CPNE4: variants seen among roughly 807,000 people sequenced by gnomAD.
CPNE4 encodes copine 4, also known as copine-4.
In CPNE4, 25 loss-of-function variants were observed where a neutral mutation model predicts 67.9. That is an observed-to-expected ratio of 0.37 (90% CI 0.27 to 0.51). The LOEUF (loss-of-function observed/expected upper bound fraction) is 0.51. Among genes scored for constraint, CPNE4 ranks in the 20% least tolerant of loss-of-function variants. The pLI is 0.93. For synonymous variants in CPNE4, 242 were observed against 244.9 expected (o/e 0.99, Z 0.11); for missense variants, 464 against 690.8 (o/e 0.67, Z 3.68).
rs527695529 is a variant in CPNE4 at position 131,618,278 on chromosome 3, A to G, written c.682-30696T>C. On this transcript the variant is annotated intron_variant, in intron 7 of 15. Coordinates refer to ENST00000429747, the MANE Select transcript of CPNE4 (RefSeq NM_130808.3). ...TAAATGTATTTTTAATTGACAAATAATAATTGTGTACATTTAGGAGGTATA... is the reference window on the plus strand; with the variant it reads ...TAAATGTATTTTTAATTGACAAATAGTAATTGTGTACATTTAGGAGGTATA... Among the ~76,000 whole-genome samples the G allele has an allele frequency of 3.3e-3, 496 of 152,316 alleles. 2 individuals carry two copies. The highest frequency in any genetic ancestry group is 0.011 in the African/African-American group (455 of 41,578).
chr3:131,775,621 C>G (rs2083273770), intron 2 of CPNE4, among the ~76,000 whole-genome samples: 2 of 152,136 alleles, frequency 1.3e-5, no homozygotes, highest in Admixed American at 6.6e-5. Flanking sequence ...TTTCCCCGCA[C>G]AAGTTCTCTT....
intron 2 of CPNE4, among the ~76,000 whole-genome samples, chr3:131,769,631 A>T (rs1445582148): frequency 6.6e-6 from 1 of 152,134 alleles, no homozygotes; most frequent in East Asian, 1.9e-4. Flanking sequence ...GACAAGCAAT[A>T]CTGTGTGTAT....
chr3:131,612,614 G>A (rs958268671), intron 7 of CPNE4, among the ~76,000 whole-genome samples: 1 of 151,936 alleles, frequency 6.6e-6, no homozygotes, highest in Admixed American at 6.6e-5. Context: ...GGCAAATACC[G>A]GGCACAGGCA....
At chr3:131,994,073 C>T (rs974615081) in intron 1 of CPNE4, among the ~76,000 whole-genome samples, 1 of 135,386 alleles carries the variant, frequency 7.4e-6, no homozygotes, top group African/African-American at 2.5e-5. Context: ...TATAATGGCA[C>T]CAGAAATGTA....
chr3:131,758,744 A>G (rs1191475358), intron 2 of CPNE4, among the ~76,000 whole-genome samples: 1 of 152,028 alleles, frequency 6.6e-6, no homozygotes, highest in East Asian at 1.9e-4. Flanking sequence ...TGTGGGAGGG[A>G]CCCAGGGGGA....
chr3:131,949,146 G>A (rs76145571), intron 1 of CPNE4, among the ~76,000 whole-genome samples: 220 of 152,208 alleles, frequency 1.4e-3, no homozygotes, highest in African/African-American at 3.4e-3. Flanking sequence ...TAAATAAATG[G>A]TAGTACCCTT....
chr3:131,966,721 C>T (rs531079742), intron 1 of CPNE4, among the ~76,000 whole-genome samples: 4 of 152,226 alleles, frequency 2.6e-5, no homozygotes, highest in South Asian at 2.1e-4. Flanking sequence ...GAAATTGAGG[C>T]AGTAATTAAT....
chr3:131,913,806 A>C (rs1413231596), intron 1 of CPNE4, among the ~76,000 whole-genome samples: 1 of 152,172 alleles, frequency 6.6e-6, no homozygotes, highest in East Asian at 1.9e-4. Context: ...ACCTTGAGTA[A>C]GTTACTTGAA....
intron 15 of CPNE4, among the ~76,000 whole-genome samples, chr3:131,538,339 G>C (rs1223475740): frequency 1.3e-5 from 2 of 152,200 alleles, no homozygotes; most frequent in African/African-American, 4.8e-5. Context: ...CATGTGGTTA[G>C]TGGCTACCAT....
chr3:131,833,130 C>T (rs2085437715), intron 2 of CPNE4, among the ~76,000 whole-genome samples: 1 of 152,112 alleles, frequency 6.6e-6, no homozygotes, highest in African/African-American at 2.4e-5. Context: ...TCACTAGACA[C>T]CAAATCTGCT....
chr3:131,777,477 A>C (rs1285144314), intron 2 of CPNE4, among the ~76,000 whole-genome samples: 1 of 152,016 alleles, frequency 6.6e-6, no homozygotes, highest in Non-Finnish European at 1.5e-5. Context: ...AAAGAATAGG[A>C]ATACCTACCC....
At chr3:131,965,696 C>T (rs1046234605) in intron 1 of CPNE4, among the ~76,000 whole-genome samples, 1 of 152,072 alleles carries the variant, frequency 6.6e-6, no homozygotes, top group South Asian at 2.1e-4. Context: ...ATATATGCAC[C>T]CAATACAGGG....
chr3:131,994,067 A>C (rs527969239), intron 1 of CPNE4, among the ~76,000 whole-genome samples: 10 of 136,546 alleles, frequency 7.3e-5, no homozygotes, highest in African/African-American at 2.4e-4. Flanking sequence ...ACTATTTATA[A>C]TGGCACCAGA....
At chr3:131,801,384 TATG>T (rs1399067519) in intron 2 of CPNE4, among the ~76,000 whole-genome samples, 1 of 93,686 alleles carries the variant, frequency 1.1e-5, no homozygotes, top group African/African-American at 4.3e-5. Flanking sequence ...TATATATATA[TATG>T]GTACATATAT....
chr3:132,004,275 T>C (rs2073531776), intron 1 of CPNE4, among the ~76,000 whole-genome samples: 1 of 152,172 alleles, frequency 6.6e-6, no homozygotes, highest in African/African-American at 2.4e-5. Flanking sequence ...AAGTGCATTT[T>C]TCGGTATATT....
intron 7 of CPNE4, among the ~76,000 whole-genome samples, chr3:131,610,092 C>T (rs1483161656): frequency 6.6e-6 from 1 of 152,040 alleles, no homozygotes; most frequent in Admixed American, 6.6e-5. Context: ...AAACAAACTT[C>T]CCCCTCTCCT....
At chr3:131,647,229 T>C (rs79460689) in intron 7 of CPNE4, among the ~76,000 whole-genome samples, 9,149 of 152,274 alleles carry the variant, frequency 0.06, 275 homozygotes, top group Non-Finnish European at 0.065. Context: ...TTTTAAGCCT[T>C]TCCTTTTAGA....
intron 7 of CPNE4, among the ~76,000 whole-genome samples, chr3:131,631,645 T>C (rs764598501): frequency 1.5e-4 from 23 of 152,192 alleles, no homozygotes; most frequent in Non-Finnish European, 2.6e-4. Flanking sequence ...CATTGAAATA[T>C]GGTCCCCATC....
intron 14 of CPNE4, among the ~76,000 whole-genome samples, chr3:131,544,838 C>T (rs1316604600): frequency 1.3e-5 from 2 of 152,152 alleles, no homozygotes; most frequent in African/African-American, 4.8e-5. Flanking sequence ...GAGTGAATCA[C>T]ACTTCTGTGT....
Sources: gnomAD v4.1 joint callset for allele counts (sites outside exome capture counted in the v4.1 genomes callset) on GRCh38, gnomAD v4.1.1 for gene constraint, MANE v1.5 for transcripts, NCBI Gene and HGNC (gene_info 2026-07-23, HGNC 2026-07-21) for gene names.